Variants in PTPRM observed in about 807,000 individuals in gnomAD.
PTPRM encodes the protein protein tyrosine phosphatase receptor type M, also known as receptor-type tyrosine-protein phosphatase mu.
Under a neutral mutation model 186.7 loss-of-function variants are expected in PTPRM, and 47 were observed. The observed-to-expected ratio is 0.25, with a 90% CI of 0.20 to 0.32. PTPRM has a LOEUF of 0.32. Among genes scored for constraint, PTPRM ranks in the 10% least tolerant of loss-of-function variants. The pLI, the probability that PTPRM is intolerant of heterozygous loss-of-function variation, is 1.00. For missense variants in PTPRM, 1,494 were observed against 1,865.0 expected (o/e 0.80, Z 3.66); for synonymous variants, 668 against 674.9 (o/e 0.99, Z 0.16).
intron 7 of PTPRM, among the ~76,000 whole-genome samples, chr18:8,027,324 A>G (rs1412807451): frequency 6.6e-6 from 1 of 152,166 alleles, no homozygotes; most frequent in Non-Finnish European, 1.5e-5. Flanking sequence ...GTTTCATTCA[A>G]TTTTTACTTA....
chr18:7,990,135 C>T (rs1177883196), intron 7 of PTPRM, among the ~76,000 whole-genome samples: 1 of 152,080 alleles, frequency 6.6e-6, no homozygotes, highest in African/African-American at 2.4e-5. Flanking sequence ...AACTCCTGGC[C>T]TCGTGTGATT....
chr18:7,745,415 C>T (rs2040965845), intron 1 of PTPRM, among the ~76,000 whole-genome samples: 1 of 152,204 alleles, frequency 6.6e-6, no homozygotes, highest in South Asian at 2.1e-4. Flanking sequence ...TTTGGTGTAA[C>T]TTGACAGTAG....
intron 1 of PTPRM, among the ~76,000 whole-genome samples, chr18:7,689,260 AAAG>A (rs1221117485): frequency 6.6e-6 from 1 of 152,246 alleles, no homozygotes. Context: ...AAGATAAGTT[AAAG>A]AAGAAGGAGC....
In PTPRM at chr18:8,268,088, A is replaced by G. The variant is rs535079106; in HGVS notation, c.2754+14674A>G. Among the ~76,000 whole-genome samples, 9 of 152,244 alleles carry G rather than the reference A, an allele frequency of 5.9e-5. 1 individual carries two copies. In the South Asian group the frequency reaches 1.2e-3, roughly 21 times the overall value. ...TTTAGAATCACCAAGGCCATGGGAA[A>G]CATGGACAATTCAGTCAGCGTTAGG... On this transcript the variant is annotated intron_variant, in intron 19 of 32. Transcript: ENST00000580170.
chr18:8,390,790 C>T (rs532150498), intron 31 of PTPRM, among the ~76,000 whole-genome samples: 1 of 152,084 alleles, frequency 6.6e-6, no homozygotes, highest in African/African-American at 2.4e-5. Flanking sequence ...TAGCCGGGCG[C>T]AGTGGCAGGT....
intron 14 of PTPRM, among the ~76,000 whole-genome samples, chr18:8,189,158 A>G (rs1272143860): frequency 1.3e-5 from 2 of 151,982 alleles, no homozygotes; most frequent in African/African-American, 4.8e-5. Flanking sequence ...TTAGCCAGGC[A>G]TGGTGGTGTG....
chr18:8,173,215 T>C (rs8091472), intron 14 of PTPRM, among the ~76,000 whole-genome samples: 27,189 of 152,174 alleles, frequency 0.18, 2,823 homozygotes, highest in African/African-American at 0.29. Context: ...CTTCACAAGC[T>C]CAGAGGGAAA....
At chr18:7,966,284 T>A (rs576916141) in intron 7 of PTPRM, among the ~76,000 whole-genome samples, 1 of 152,334 alleles carries the variant, frequency 6.6e-6, no homozygotes, top group African/African-American at 2.4e-5. Context: ...AAATTGCTGA[T>A]CCTCCATCCA....
At chr18:7,960,674 C>G (rs917351776) in intron 7 of PTPRM, among the ~76,000 whole-genome samples, 7 of 152,046 alleles carry the variant, frequency 4.6e-5, no homozygotes, top group African/African-American at 1.7e-4. Flanking sequence ...AGGAGGATAA[C>G]TTGAGCCCAG....
In PTPRM at chr18:7,745,606, T is replaced by A. The variant is rs2144548810; in HGVS notation, c.74-28543T>A. Reference sequence around the variant, plus strand: ...TGACTCATCACAATTACTGATTAGATCAATGTGGGATGGATTGCCAGTGCC... The same window carrying A: ...TGACTCATCACAATTACTGATTAGAACAATGTGGGATGGATTGCCAGTGCC... On this transcript the variant is annotated intron_variant, in intron 1 of 32. Transcript: ENST00000580170. 1.3e-5 allele frequency among the ~76,000 whole-genome samples: 2 copies of A among 152,286 alleles called. 1 individual carries two copies. Among genetic ancestry groups the A allele is most frequent in the South Asian group, 4.1e-4 (2 of 4,822 alleles).
At chr18:7,930,623 G>A (rs188853007) in intron 5 of PTPRM, among the ~76,000 whole-genome samples, 109 of 152,234 alleles carry the variant, frequency 7.2e-4, no homozygotes, top group African/African-American at 2.5e-3. Flanking sequence ...GAAGGTAGAT[G>A]AATAGGCATT....
chr18:7,633,863 GC>G (rs2038249461), intron 1 of PTPRM, among the ~76,000 whole-genome samples: 1 of 151,962 alleles, frequency 6.6e-6, no homozygotes, highest in Non-Finnish European at 1.5e-5. Flanking sequence ...CACCATCCCG[GC>G]CCTCCTGCAG....
intron 1 of PTPRM, among the ~76,000 whole-genome samples, chr18:7,580,200 A>C (rs1057443407): frequency 6.6e-6 from 1 of 152,218 alleles, no homozygotes; most frequent in Non-Finnish European, 1.5e-5. Context: ...TTAGTTTGTC[A>C]GATGGCACAG....
chr18:8,221,777 T>G (rs1449176725), intron 14 of PTPRM, among the ~76,000 whole-genome samples: 1 of 152,210 alleles, frequency 6.6e-6, no homozygotes, highest in African/African-American at 2.4e-5. Context: ...CCTTACATAT[T>G]TTAATTTTGG....
chr18:8,284,611 A>G (rs1447985188), intron 19 of PTPRM, among the ~76,000 whole-genome samples: 3 of 152,142 alleles, frequency 2.0e-5, no homozygotes, highest in Non-Finnish European at 4.4e-5. Context: ...TTAGCTAGGT[A>G]TAGTGGCACA....
chr18:7,688,238 A>T (rs938710961), intron 1 of PTPRM, among the ~76,000 whole-genome samples: 5 of 152,038 alleles, frequency 3.3e-5, no homozygotes, highest in Non-Finnish European at 7.4e-5. Flanking sequence ...TTTGTGGCGG[A>T]AATGGGGAGC....
chr18:7,725,372 G>A (rs2040526505), intron 1 of PTPRM, among the ~76,000 whole-genome samples: 1 of 152,098 alleles, frequency 6.6e-6, no homozygotes, highest in East Asian at 1.9e-4. Context: ...ACCCCAATGG[G>A]TATGAGGTGG....
intron 8 of PTPRM, among the ~76,000 whole-genome samples, chr18:8,074,358 T>C (rs1600409544): frequency 6.6e-6 from 1 of 152,366 alleles, no homozygotes; most frequent in East Asian, 1.9e-4. Context: ...AATGCTGCTA[T>C]GTATATTCAT....
chr18:7,594,068 T>C (rs1450927070), intron 1 of PTPRM, among the ~76,000 whole-genome samples: 1 of 152,216 alleles, frequency 6.6e-6, no homozygotes, highest in African/African-American at 2.4e-5. Flanking sequence ...CTCTCCGTTC[T>C]TTCCCAGTCA....
Sources: allele counts gnomAD v4.1 joint callset (sites outside exome capture counted in the v4.1 genomes callset), GRCh38; gene constraint gnomAD v4.1.1; transcripts MANE v1.5; gene names NCBI Gene and HGNC (gene_info 2026-07-23, HGNC 2026-07-21).